Variants in ZFHX3 observed in about 807,000 individuals in gnomAD.
ZFHX3 encodes the protein zinc finger homeobox protein 3.
Under a neutral mutation model 279.1 loss-of-function variants are expected in ZFHX3, and 42 were observed. That is an observed-to-expected ratio of 0.15 (90% confidence interval 0.12 to 0.19). The LOEUF (loss-of-function observed/expected upper bound fraction) is 0.19. ZFHX3 is among the 10% of genes least tolerant of loss of function. The pLI, the probability that ZFHX3 is intolerant of heterozygous loss-of-function variation, is 1.00. For missense variants in ZFHX3, 4,981 were observed against 4,754.0 expected (o/e 1.05, Z -1.40); for synonymous variants, 2,293 against 1,957.8 (o/e 1.17, Z -4.52).
chr16:73,443,792 T>C lies in ZFHX3; in HGVS notation c.-1291+12211A>G, dbSNP rs539922114. ...TTTTTTTGGAGACAGTCTAGCTCTGTTGCCCAGGCTGGAGTGCAGTGGCGT... is the reference window on the plus strand; with the variant it reads ...TTTTTTTGGAGACAGTCTAGCTCTGCTGCCCAGGCTGGAGTGCAGTGGCGT... On this transcript the variant is annotated intron_variant, in intron 3 of 17. Transcript: ENST00000641206. Among the ~76,000 whole-genome samples the C allele has an allele frequency of 1.8e-4, 27 of 152,284 alleles. No homozygotes were observed. The South Asian group carries it at 5.6e-3, about 32-fold the overall frequency.
intron 3 of ZFHX3, among the ~76,000 whole-genome samples, chr16:73,366,498 G>A (rs1333018625): frequency 2.0e-5 from 3 of 151,666 alleles, no homozygotes; most frequent in Admixed American, 6.6e-5. Context: ...TTGGGAGGCT[G>A]AGGCAGGAGG....
chr16:73,884,801 C>T (rs2030293434), intron 1 of ZFHX3, among the ~76,000 whole-genome samples: 1 of 152,088 alleles, frequency 6.6e-6, no homozygotes, highest in Non-Finnish European at 1.5e-5. Context: ...ATTAAATATC[C>T]ACATGCTATT....
At chr16:73,127,878 G>C (rs1352524144) in intron 7 of ZFHX3, among the ~76,000 whole-genome samples, 1 of 152,152 alleles carries the variant, frequency 6.6e-6, no homozygotes, top group Non-Finnish European at 1.5e-5. Context: ...AATTAGATGT[G>C]AACATGTAAC....
At chr16:73,809,894 C>G (rs1484477773) in intron 1 of ZFHX3, among the ~76,000 whole-genome samples, 1 of 152,190 alleles carries the variant, frequency 6.6e-6, no homozygotes, top group African/African-American at 2.4e-5. Flanking sequence ...CCCAGCCTTC[C>G]CTGTGGCCAC....
intron 4 of ZFHX3, among the ~76,000 whole-genome samples, chr16:72,879,360 C>G (rs7204991): frequency 0.041 from 6,314 of 152,258 alleles, 255 homozygotes; most frequent in South Asian, 0.1. Context: ...GCACAAACAC[C>G]ACACACAAGC....
intron 3 of ZFHX3, among the ~76,000 whole-genome samples, chr16:73,335,722 T>C (rs1357330518): frequency 6.6e-6 from 1 of 152,152 alleles, no homozygotes; most frequent in East Asian, 1.9e-4. Flanking sequence ...CTTTTGTGAT[T>C]TGAATTGAAA....
rs1432956744 is a variant in ZFHX3 at position 73,539,444 on chromosome 16, T to C, written c.-1546-83186A>G. ...CCCTTCCTCTTCTTCTTTTTTTTTT[T>C]TTTTTTTTTTTTTTTTTTATAAGGC... On this transcript the variant is annotated intron_variant, in intron 2 of 17. Transcript: ENST00000641206. 3.3e-3 allele frequency among the ~76,000 whole-genome samples: 432 copies of C among 131,822 alleles called. 6 individuals are homozygous for C. Among genetic ancestry groups the C allele is most frequent in the African/African-American group, 0.013 (399 of 31,578 alleles). 86.5% of individuals were successfully genotyped at this position (131,822 alleles called of 152,430 possible).
At chr16:72,846,288 G>C (rs913247340) in intron 4 of ZFHX3, among the ~76,000 whole-genome samples, 3 of 152,262 alleles carry the variant, frequency 2.0e-5, no homozygotes, top group Non-Finnish European at 2.9e-5. Flanking sequence ...GAAGAAGTGA[G>C]AGTGTGAGCC....
chr16:73,498,145 C>T lies in ZFHX3; in HGVS notation c.-1546-41887G>A, dbSNP rs368196730. ...GCTGCCTTCTAAATGTTTTTATCCC[C>T]TTGTAAAAGCGTAACAGAAATGGTG... On this transcript the variant is annotated intron_variant, in intron 2 of 17. Transcript: ENST00000641206. Among the ~76,000 whole-genome samples, 4 of 152,216 alleles carry T rather than the reference C, an allele frequency of 2.6e-5. No individual in the cohort carries two copies. In the East Asian group the frequency reaches 7.7e-4, roughly 29 times the overall value.
rs572845153 is a variant in ZFHX3, at chr16:72,787,358, T to C, written c.10918A>G (p.Thr3640Ala). ...PSFPPLSSSS[T>A]VTSSSCSTSG... ...GTGCTGCATGAACTTGAGGTAACCG[T>C]TGAAGATGAGGAGAGAGGAGGAAAA... is the stretch of plus-strand genomic sequence containing the variant. Residue 3640 changes from threonine (T) to alanine (A), a missense_variant, in exon 10 of 10, where the codon ACG becomes GCG. By Grantham distance (58) the Thr-to-Ala change is moderately conservative. Around this residue, in one of 7 missense-constraint regions of ZFHX3, gnomAD observed 1,034 missense variants for 786.0 expected, o/e 1.32. Transcript: ENST00000268489. The C allele has an allele frequency of 2.4e-5, 38 of 1,612,040 alleles. No homozygotes were observed. Among genetic ancestry groups the C allele is most frequent in the Middle Eastern group, 3.3e-4 (2 of 6,056 alleles).
intron 3 of ZFHX3, among the ~76,000 whole-genome samples, chr16:72,942,366 G>A (rs989033216): frequency 1.3e-5 from 2 of 152,298 alleles, no homozygotes; most frequent in African/African-American, 4.8e-5. Flanking sequence ...CCCCTAAGAC[G>A]GCAGATGTCA....
intron 1 of ZFHX3, among the ~76,000 whole-genome samples, chr16:73,696,002 G>T (rs1049637860): frequency 2.0e-5 from 3 of 152,172 alleles, no homozygotes; most frequent in Non-Finnish European, 4.4e-5. Context: ...CTATAATTTG[G>T]GTTCTCCACA....
At chr16:73,066,769 C>T (rs1171936449) in intron 8 of ZFHX3, among the ~76,000 whole-genome samples, 1 of 152,342 alleles carries the variant, frequency 6.6e-6, no homozygotes, top group Admixed American at 6.5e-5. Flanking sequence ...CCTGCCTCCC[C>T]GTCACCCTAA....
chr16:73,533,142 A>G (rs1431763692), intron 2 of ZFHX3, among the ~76,000 whole-genome samples: 1 of 151,948 alleles, frequency 6.6e-6, no homozygotes, highest in African/African-American at 2.4e-5. Context: ...GTGCTGTCTC[A>G]CACTCCAAAG....
At chr16:72,913,867 C>A (rs1168493044) in intron 3 of ZFHX3, among the ~76,000 whole-genome samples, 1 of 152,134 alleles carries the variant, frequency 6.6e-6, no homozygotes, top group African/African-American at 2.4e-5. Context: ...TGAAGCAATG[C>A]CAAGAGATTC....
At chr16:73,023,968 C>T (rs1378579954) in intron 1 of ZFHX3, among the ~76,000 whole-genome samples, 1 of 152,128 alleles carries the variant, frequency 6.6e-6, no homozygotes, top group East Asian at 1.9e-4. Context: ...TTCTTTTGAG[C>T]GCTCTGTCTT....
intron 2 of ZFHX3, among the ~76,000 whole-genome samples, chr16:73,655,994 T>C (rs2142170303): frequency 6.6e-6 from 1 of 152,338 alleles, no homozygotes; most frequent in East Asian, 1.9e-4. Flanking sequence ...ATAAAATATG[T>C]AAATAAATGT....
chr16:73,028,203 C>T (rs1964579501), intron 1 of ZFHX3, among the ~76,000 whole-genome samples: 1 of 152,208 alleles, frequency 6.6e-6, no homozygotes. Context: ...CAACTGTCAG[C>T]CATGTTCATG....
At chr16:73,590,124 C>G (rs780220045) in intron 2 of ZFHX3, among the ~76,000 whole-genome samples, 3 of 152,102 alleles carry the variant, frequency 2.0e-5, no homozygotes, top group Non-Finnish European at 4.4e-5. Context: ...AAAGGACCAG[C>G]AGACGTAGAG....
Sources: allele counts gnomAD v4.1 joint callset (sites outside exome capture counted in the v4.1 genomes callset), GRCh38; gene constraint gnomAD v4.1.1; regional missense constraint gnomAD v4.1.1; transcripts MANE v1.5; gene names NCBI Gene and HGNC (gene_info 2026-07-23, HGNC 2026-07-21).